The following CEP112 variants were observed in gnomAD, a reference collection of about 807,000 sequenced individuals.
The protein encoded by CEP112 is centrosomal protein of 112 kDa.
A neutral mutation model predicts 153.0 loss-of-function variants in CEP112; 127 were observed. That is an observed-to-expected ratio of 0.83 (90% CI 0.72 to 0.96). The LOEUF (loss-of-function observed/expected upper bound fraction) is 0.96, where lower values mean the gene tolerates loss of function less well. Among genes scored for constraint, CEP112 ranks in the 40% least tolerant of loss-of-function variants. CEP112 has a pLI of 0.00. For missense variants in CEP112, 1,089 were observed against 1,101.2 expected, an observed-to-expected ratio of 0.99 and a Z score of 0.16; for synonymous variants, 358 against 374.4, an observed-to-expected ratio of 0.96 and a Z score of 0.51.
chr17:65,961,447 G>A lies in CEP112; in HGVS notation c.1872+16C>T. On this transcript the variant is annotated intron_variant, in intron 18 of 26. Coordinates refer to ENST00000535342, the MANE Select transcript of CEP112 (RefSeq NM_001199165.4). Reference sequence around the variant, plus strand: ...GAGAGTGACTTTCAAAAGGGATGGTGTGGCAGCCTCCTTACCTGCTCTTTC... The same window carrying A: ...GAGAGTGACTTTCAAAAGGGATGGTATGGCAGCCTCCTTACCTGCTCTTTC... The A allele has an allele frequency of 6.3e-7, 1 of 1,580,910 alleles. No individual in the cohort carries two copies. Among genetic ancestry groups the A allele is most frequent in the East Asian group, 2.3e-5 (1 of 43,982 alleles).
chr17:65,642,533 G>A (rs995489986), intron 24 of CEP112, among the ~76,000 whole-genome samples: 9 of 152,098 alleles, frequency 5.9e-5, no homozygotes. Flanking sequence ...TTTGGGATAT[G>A]TTATAATCCT....
intron 12 of CEP112, among the ~76,000 whole-genome samples, chr17:66,047,665 T>TA (rs1184374994): frequency 2.6e-5 from 4 of 152,212 alleles, no homozygotes; most frequent in African/African-American, 9.6e-5. Context: ...TGATAAATTA[T>TA]AAAATACTTG....
At chr17:65,962,360 G>C (rs191117577) in intron 17 of CEP112, among the ~76,000 whole-genome samples, 2 of 152,156 alleles carry the variant, frequency 1.3e-5, no homozygotes, top group African/African-American at 4.8e-5. Context: ...AGAGAAACAT[G>C]ATGGCCTAAA....
At chr17:65,759,585 C>T (rs953649970) in intron 21 of CEP112, among the ~76,000 whole-genome samples, 14 of 151,948 alleles carry the variant, frequency 9.2e-5, no homozygotes, top group African/African-American at 2.9e-4. Context: ...ATTTGTAAAA[C>T]AGTAAAATTC....
chr17:66,161,128 A>G (rs1213443672), intron 4 of CEP112, among the ~76,000 whole-genome samples: 1 of 152,246 alleles, frequency 6.6e-6, no homozygotes, highest in Non-Finnish European at 1.5e-5. Context: ...CAAAACCACA[A>G]TGAGATACCA....
intron 4 of CEP112, among the ~76,000 whole-genome samples, chr17:66,133,335 T>C (rs1374977587): frequency 7.9e-5 from 12 of 152,166 alleles, no homozygotes; most frequent in Admixed American, 7.8e-4. Flanking sequence ...GCAAACTTGG[T>C]TGGATTCATG....
At chr17:65,770,924 G>A (rs7212982) in intron 21 of CEP112, among the ~76,000 whole-genome samples, 1,553 of 65,834 alleles carry the variant, frequency 0.024, 18 homozygotes, top group Non-Finnish European at 0.028. Context: ...GCAAGACTCC[G>A]TCTTAAAAAA....
intron 21 of CEP112, among the ~76,000 whole-genome samples, chr17:65,791,210 G>T (rs2054572983): frequency 6.6e-6 from 1 of 152,162 alleles, no homozygotes; most frequent in Non-Finnish European, 1.5e-5. Context: ...AAAACCTTGA[G>T]AAATAATTTT....
At position 65,635,544 on chromosome 17, in the gene CEP112, T is replaced by C. The variant is rs559014191; in HGVS notation, c.*427A>G. On this transcript the variant is annotated 3_prime_UTR_variant, in exon 27 of 27. Coordinates refer to ENST00000535342, the MANE Select transcript of CEP112 (RefSeq NM_001199165.4). ...AAAAAGTAGAAATAAAACTGGTAAG[T>C]ACAAAATAATATTTTAATAACATAG... 5 of 174,692 alleles carry C rather than the reference T, an allele frequency of 2.9e-5. No homozygotes were observed. The East Asian group carries it at 7.8e-4, about 27-fold the overall frequency. 10.8% of individuals were successfully genotyped at this position (174,692 alleles called of 1,614,324 possible).
At chr17:65,797,582 C>G (rs2055013272) in intron 21 of CEP112, among the ~76,000 whole-genome samples, 2 of 152,180 alleles carry the variant, frequency 1.3e-5, no homozygotes, top group South Asian at 2.1e-4. Context: ...ACCTTGACTC[C>G]AATGTCATGC....
intron 21 of CEP112, among the ~76,000 whole-genome samples, chr17:65,850,537 T>C (rs1045992433): frequency 6.6e-6 from 1 of 152,222 alleles, no homozygotes; most frequent in African/African-American, 2.4e-5. Flanking sequence ...CTTTCCTCTA[T>C]ATTTTTGCAA....
At chr17:66,024,404 T>C (rs570916067) in intron 16 of CEP112, among the ~76,000 whole-genome samples, 22 of 152,198 alleles carry the variant, frequency 1.4e-4, no homozygotes, top group African/African-American at 5.1e-4. Flanking sequence ...TATGATCTTA[T>C]ACCTAAAAAA....
chr17:66,046,816 C>CAG (rs10675127), intron 12 of CEP112, among the ~76,000 whole-genome samples: 149,276 of 152,182 alleles, frequency 0.98, 73,277 homozygotes, highest in East Asian at 1. Flanking sequence ...CAAATGTTGA[C>CAG]AGCAGGACTG....
At chr17:65,909,052 A>G (rs1310881073) in intron 19 of CEP112, among the ~76,000 whole-genome samples, 1 of 152,242 alleles carries the variant, frequency 6.6e-6, no homozygotes, top group East Asian at 1.9e-4. Context: ...AATCATTTAA[A>G]GAAATAGAAA....
chr17:66,120,525 T>C (rs2069524491), intron 6 of CEP112, among the ~76,000 whole-genome samples: 1 of 152,068 alleles, frequency 6.6e-6, no homozygotes, highest in African/African-American at 2.4e-5. Flanking sequence ...AAAATATAAA[T>C]TATATTTATT....
chr17:65,747,038 G>A (rs928918399), intron 22 of CEP112, among the ~76,000 whole-genome samples: 7 of 150,460 alleles, frequency 4.7e-5, no homozygotes, highest in Admixed American at 1.3e-4. Flanking sequence ...AGCAATTAAC[G>A]CTTTGCAAAA....
At chr17:66,170,102 T>A (rs2072181443) in intron 4 of CEP112, among the ~76,000 whole-genome samples, 1 of 152,214 alleles carries the variant, frequency 6.6e-6, no homozygotes, top group African/African-American at 2.4e-5. Flanking sequence ...ACAGCAAGTC[T>A]ACTGGCAAGA....
chr17:65,707,381 G>A (rs1226262429), intron 23 of CEP112, among the ~76,000 whole-genome samples: 1 of 152,090 alleles, frequency 6.6e-6, no homozygotes, highest in Non-Finnish European at 1.5e-5. Context: ...ACCTAAAGAT[G>A]ACTCCAATAG....
intron 24 of CEP112, among the ~76,000 whole-genome samples, chr17:65,642,515 G>A (rs2045198978): frequency 6.6e-6 from 1 of 152,070 alleles, no homozygotes; most frequent in Admixed American, 6.5e-5. Context: ...TTTTGGCAAA[G>A]TGCTTTTTTT....
Sources: allele counts gnomAD v4.1 joint callset (sites outside exome capture counted in the v4.1 genomes callset), GRCh38; gene constraint gnomAD v4.1.1; transcripts MANE v1.5; gene names NCBI Gene and HGNC (gene_info 2026-07-23, HGNC 2026-07-21).